Variants in PCDHAC1 observed in about 807,000 individuals in gnomAD.
The protein encoded by PCDHAC1 is protocadherin alpha subfamily C, 1, also known as protocadherin alpha-C1.
A neutral mutation model predicts 60.0 loss-of-function variants in PCDHAC1; 42 were observed. That is an observed-to-expected ratio of 0.70 (90% CI 0.55 to 0.90). The LOEUF (loss-of-function observed/expected upper bound fraction) is 0.90. Ranked by LOEUF, PCDHAC1 falls within the 40% of genes least tolerant of loss-of-function variation. PCDHAC1 has a pLI of 0.00. For synonymous variants in PCDHAC1, 468 were observed against 499.3 expected (o/e 0.94, Z 0.84); for missense variants, 1,160 against 1,222.3 (o/e 0.95, Z 0.76).
At chr5:140,950,083 T>C (rs1361884165) in intron 1 of PCDHAC1, among the ~76,000 whole-genome samples, 1 of 152,002 alleles carries the variant, frequency 6.6e-6, no homozygotes, top group Non-Finnish European at 1.5e-5. Context: ...GCTTATGCTA[T>C]AGTTTTCATT....
chr5:140,982,267 A>T, intron 2 of PCDHAC1: 4 of 883,458 alleles, frequency 4.5e-6, no homozygotes, highest in Non-Finnish European at 6.5e-6. Context: ...GTGTTCCTGG[A>T]ATAGTATAGC....
intron 1 of PCDHAC1, chr5:140,968,856 G>A (rs782749305): frequency 1.2e-6 from 2 of 1,614,184 alleles, no homozygotes; most frequent in South Asian, 1.1e-5. Flanking sequence ...CATGTTAAGA[G>A]CCCTCGGACA....
chr5:140,970,873 A>G (rs138100298), intron 1 of PCDHAC1, among the ~76,000 whole-genome samples: 80 of 152,316 alleles, frequency 5.3e-4, no homozygotes, highest in African/African-American at 1.8e-3. Context: ...GATTGAGAGT[A>G]GATTTTTCTC....
chr5:140,950,826 G>A (rs1554219646), intron 1 of PCDHAC1, among the ~76,000 whole-genome samples: 1 of 151,824 alleles, frequency 6.6e-6, no homozygotes, highest in African/African-American at 2.4e-5. Flanking sequence ...TTAAAGTTTG[G>A]TCCTTTAAGA....
intron 1 of PCDHAC1, chr5:140,968,772 C>T (rs782257554): frequency 1.2e-6 from 2 of 1,614,180 alleles, no homozygotes; most frequent in South Asian, 1.1e-5. Context: ...GGAGAGCCAT[C>T]ACTATCAGCC....
At chr5:140,946,374 CGGTT>C (rs1308149019) in intron 1 of PCDHAC1, among the ~76,000 whole-genome samples, 6 of 151,656 alleles carry the variant, frequency 4.0e-5, no homozygotes, top group Non-Finnish European at 5.9e-5. Flanking sequence ...CTCTTGCACA[CGGTT>C]GGTAGGAATG....
At chr5:140,992,095 G>T (rs1554252652) in intron 3 of PCDHAC1, among the ~76,000 whole-genome samples, 1 of 151,540 alleles carries the variant, frequency 6.6e-6, no homozygotes, top group East Asian at 1.9e-4. Context: ...TAGAGAAAGA[G>T]AATTAAGGTG....
intron 1 of PCDHAC1, chr5:140,969,039 A>G: frequency 6.2e-7 from 1 of 1,614,130 alleles, no homozygotes; most frequent in Non-Finnish European, 8.5e-7. Context: ...GAACTGTACA[A>G]ACAAGCCAAC....
Position 140,946,525 on chromosome 5 carries a change from A to G in PCDHAC1, c.2433+17200A>G, listed in dbSNP as rs115610574. On this transcript the variant is annotated intron_variant, in intron 1 of 3. Transcript: ENST00000253807. ...ATGTCAAAGACCTATCCGCACTCCC[A>G]TGTTCATTGCAGCATTATTCATGAT... 6.9e-3 allele frequency among the ~76,000 whole-genome samples: 1,050 copies of G among 151,290 alleles called. 19 individuals carry two copies. The highest frequency in any genetic ancestry group is 0.024 in the African/African-American group (983 of 41,050).
intron 3 of PCDHAC1, among the ~76,000 whole-genome samples, chr5:140,997,722 C>G (rs2097782886): frequency 6.6e-6 from 1 of 151,372 alleles, no homozygotes; most frequent in South Asian, 2.1e-4. Context: ...CTTTCTACGT[C>G]AGTACATATA....
chr5:140,967,665 C>G (rs782126222), intron 1 of PCDHAC1: 1 of 1,614,154 alleles, frequency 6.2e-7, no homozygotes. Context: ...AGCAGCTACA[C>G]GTCGGACCGG....
chr5:141,000,027 A>G (rs782393146), intron 3 of PCDHAC1, among the ~76,000 whole-genome samples: 4 of 152,048 alleles, frequency 2.6e-5, no homozygotes, highest in Non-Finnish European at 5.9e-5. Flanking sequence ...TAAGCCTGAC[A>G]TCCAATCACA....
At chr5:140,932,415 T>C (rs1183410119) in intron 1 of PCDHAC1, among the ~76,000 whole-genome samples, 2 of 151,922 alleles carry the variant, frequency 1.3e-5, no homozygotes, top group African/African-American at 4.8e-5. Context: ...GTTATATTAG[T>C]GTATTGTTCA....
chr5:140,969,781 A>G (rs1017019880), intron 1 of PCDHAC1, among the ~76,000 whole-genome samples: 3 of 152,336 alleles, frequency 2.0e-5, no homozygotes, highest in East Asian at 1.9e-4. Flanking sequence ...AGGGGCTATC[A>G]TAGTCACCAC....
intron 2 of PCDHAC1, among the ~76,000 whole-genome samples, chr5:140,980,561 C>T (rs1430874214): frequency 6.6e-6 from 1 of 151,974 alleles, no homozygotes; most frequent in Admixed American, 6.6e-5. Context: ...ACCCGGGAGG[C>T]GGAAGTTGCA....
chr5:140,931,395 C>T lies in PCDHAC1; in HGVS notation c.2433+2070C>T, dbSNP rs141099105. Among the ~76,000 whole-genome samples the T allele has an allele frequency of 5.8e-3, 884 of 151,620 alleles. 4 individuals carry two copies. The highest frequency in any genetic ancestry group is 0.021 in the African/African-American group (851 of 41,384). ...AGACTAGAAAGGAAACATAAGTAAG[C>T]GATAGGAAGGCTGATGAATCTAGAA... On this transcript the variant is annotated intron_variant, in intron 1 of 3. Coordinates refer to ENST00000253807, the MANE Select transcript of PCDHAC1 (RefSeq NM_018898.5).
At chr5:140,986,293 CAG>C (rs1447196504) in intron 3 of PCDHAC1, among the ~76,000 whole-genome samples, 2 of 152,124 alleles carry the variant, frequency 1.3e-5, no homozygotes, top group Admixed American at 6.5e-5. Flanking sequence ...TGAGACTGAG[CAG>C]AGAGAGAAAA....
At chr5:140,967,355 C>G in intron 1 of PCDHAC1, 1 of 1,608,112 alleles carries the variant, frequency 6.2e-7, no homozygotes, top group Non-Finnish European at 8.5e-7. Context: ...CGAGCTGGAC[C>G]TTAAGCCCCT....
At chr5:140,942,600 T>A (rs943278532) in intron 1 of PCDHAC1, among the ~76,000 whole-genome samples, 2 of 132,144 alleles carry the variant, frequency 1.5e-5, no homozygotes, top group African/African-American at 6.2e-5. Flanking sequence ...ATAATTATAG[T>A]GTTTATATTT....
Sources: allele counts gnomAD v4.1 joint callset (sites outside exome capture counted in the v4.1 genomes callset), GRCh38; gene constraint gnomAD v4.1.1; transcripts MANE v1.5; gene names NCBI Gene and HGNC (gene_info 2026-07-23, HGNC 2026-07-21).